Variants in VPS13B observed in about 807,000 individuals in gnomAD.
The protein encoded by VPS13B is intermembrane lipid transfer protein VPS13B.
In VPS13B, 285 loss-of-function variants were observed where a neutral mutation model predicts 426.4. The ratio of observed to expected loss-of-function variants is 0.67; its 90% CI spans 0.61 to 0.74. The LOEUF (loss-of-function observed/expected upper bound fraction) is 0.74. Ranked by LOEUF, VPS13B falls within the 30% of genes least tolerant of loss-of-function variation. The probability of loss-of-function intolerance (pLI) is 0.00; values close to 1 mark genes in which losing one functional copy is unlikely to be tolerated. For synonymous variants in VPS13B, 1,676 were observed against 1,676.4 expected (o/e 1.00, Z 0.01); for missense variants, 4,537 against 4,782.6 (o/e 0.95, Z 1.51).
At chr8:99,759,315 CTG>C (rs1170188831) in intron 39 of VPS13B, among the ~76,000 whole-genome samples, 1 of 152,164 alleles carries the variant, frequency 6.6e-6, no homozygotes. Context: ...TCATAGCTCT[CTG>C]TCCTGCTTAT....
chr8:99,849,289 C>T (rs748532340), intron 55 of VPS13B, among the ~76,000 whole-genome samples: 1 of 152,194 alleles, frequency 6.6e-6, no homozygotes. Flanking sequence ...TTCCACCCCC[C>T]ACTTTGACCT....
chr8:99,400,959 A>G (rs868292859), intron 21 of VPS13B, among the ~76,000 whole-genome samples: 8 of 152,340 alleles, frequency 5.3e-5, no homozygotes, highest in Middle Eastern at 6.8e-3. Flanking sequence ...GGCGTTAGCC[A>G]TTGTACCCAG....
chr8:99,449,332 G>C (rs1460495797), intron 23 of VPS13B, among the ~76,000 whole-genome samples: 1 of 152,132 alleles, frequency 6.6e-6, no homozygotes, highest in Non-Finnish European at 1.5e-5. Flanking sequence ...CCAGTTTTTG[G>C]TGTGCATGGT....
At chr8:99,140,310 A>G (rs1489695934) in intron 12 of VPS13B, among the ~76,000 whole-genome samples, 1 of 147,066 alleles carries the variant, frequency 6.8e-6, no homozygotes, top group African/African-American at 2.5e-5. Context: ...GGTTGCAGTG[A>G]GCTGAGATCA....
intron 3 of VPS13B, among the ~76,000 whole-genome samples, chr8:99,081,056 C>T (rs1178587775): frequency 6.6e-6 from 1 of 152,168 alleles, no homozygotes; most frequent in African/African-American, 2.4e-5. Flanking sequence ...TTCTGACACC[C>T]TTTATACATA....
At chr8:99,471,006 A>G (rs1208906450) in intron 24 of VPS13B, among the ~76,000 whole-genome samples, 1 of 152,130 alleles carries the variant, frequency 6.6e-6, no homozygotes, top group African/African-American at 2.4e-5. Context: ...ACATTGGAAC[A>G]ATATTTTGGA....
chr8:99,582,756 C>G (rs188410475), intron 33 of VPS13B, among the ~76,000 whole-genome samples: 5 of 152,012 alleles, frequency 3.3e-5, no homozygotes, highest in Non-Finnish European at 7.4e-5. Context: ...CCTGTGTTCA[C>G]GCCATTCTCC....
intron 30 of VPS13B, chr8:99,536,970 C>T (rs952777468): frequency 2.5e-5 from 9 of 361,204 alleles, no homozygotes; most frequent in Admixed American, 3.9e-5. Context: ...ATGAGATATA[C>T]AGAAAAGTAA....
In VPS13B at chr8:99,732,779, C is replaced by CA. The variant is rs530273082; in HGVS notation, c.7050+11738dup. 5.0e-4 allele frequency among the ~76,000 whole-genome samples: 76 copies of CA among 152,238 alleles called. 1 individual carries two copies. The highest frequency in any genetic ancestry group is 4.1e-3 in the South Asian group (20 of 4,826). ...TAAGAAGCAAATGGGATTTTCGAAA[C>CA]AAAAAATAATAATAAATAGTTTGAA... On this transcript the variant is annotated intron_variant, in intron 39 of 61. Coordinates refer to ENST00000357162, the MANE Select transcript of VPS13B (RefSeq NM_152564.5).
chr8:99,726,898 C>T (rs1833373632), intron 39 of VPS13B, among the ~76,000 whole-genome samples: 1 of 152,194 alleles, frequency 6.6e-6, no homozygotes, highest in Non-Finnish European at 1.5e-5. Flanking sequence ...ATTATAGCAG[C>T]ATAAACTTTC....
At chr8:99,198,746 G>A (rs376118800) in intron 17 of VPS13B, among the ~76,000 whole-genome samples, 77 of 152,058 alleles carry the variant, frequency 5.1e-4, no homozygotes, top group African/African-American at 1.9e-3. Context: ...TTTATCAAAT[G>A]GAATGCCTAT....
intron 17 of VPS13B, among the ~76,000 whole-genome samples, chr8:99,198,850 C>T (rs1734815793): frequency 1.3e-5 from 2 of 151,820 alleles, no homozygotes; most frequent in Middle Eastern, 3.4e-3. Context: ...TTTTTCCCCC[C>T]GAGAACAAAA....
At chr8:99,051,170 C>T (rs1339044848) in intron 3 of VPS13B, among the ~76,000 whole-genome samples, 1 of 152,168 alleles carries the variant, frequency 6.6e-6, no homozygotes, top group Non-Finnish European at 1.5e-5. Context: ...TTAGGTCTAA[C>T]ATTTAAGTCT....
chr8:99,491,329 A>G (rs947686592), intron 25 of VPS13B, among the ~76,000 whole-genome samples: 1 of 152,068 alleles, frequency 6.6e-6, no homozygotes, highest in East Asian at 1.9e-4. Context: ...GAATCTGACA[A>G]TTACGTGTCT....
intron 35 of VPS13B, among the ~76,000 whole-genome samples, chr8:99,664,928 C>T (rs1175946064): frequency 1.3e-5 from 2 of 152,174 alleles, no homozygotes; most frequent in Admixed American, 6.5e-5. Flanking sequence ...GTTTACAGTC[C>T]TGCCAACAGT....
intron 21 of VPS13B, among the ~76,000 whole-genome samples, chr8:99,405,385 A>G (rs907663973): frequency 1.6e-4 from 25 of 152,098 alleles, no homozygotes; most frequent in Non-Finnish European, 2.9e-4. Context: ...TTTCCTGTCC[A>G]TTCCACTTCC....
intron 21 of VPS13B, among the ~76,000 whole-genome samples, chr8:99,414,744 C>T (rs1815897006): frequency 6.6e-6 from 1 of 152,056 alleles, no homozygotes; most frequent in South Asian, 2.1e-4. Context: ...CGAATATTGG[C>T]CCCCATTCTC....
intron 19 of VPS13B, among the ~76,000 whole-genome samples, chr8:99,286,056 A>G (rs1394134165): frequency 4.6e-5 from 7 of 151,434 alleles, no homozygotes; most frequent in African/African-American, 1.7e-4. Flanking sequence ...CCAATTAATT[A>G]CTCCCTTCTA....
chr8:99,269,194 G>A lies in VPS13B; in HGVS notation c.2516-5004G>A, dbSNP rs553147466. Among the ~76,000 whole-genome samples the A allele has an allele frequency of 4.6e-5, 7 of 152,134 alleles. 1 individual carries two copies. The South Asian group carries it at 1.5e-3, about 32-fold the overall frequency. On this transcript the variant is annotated intron_variant, in intron 17 of 61. Coordinates refer to ENST00000357162, the MANE Select transcript of VPS13B (RefSeq NM_152564.5). ...ATGAGGATGGACTAATACAGAGGAG[G>A]AAAATAACAGTGCATTATTCTATAT...
Sources: gnomAD v4.1 joint callset for allele counts (sites outside exome capture counted in the v4.1 genomes callset) on GRCh38, gnomAD v4.1.1 for gene constraint, MANE v1.5 for transcripts, NCBI Gene and HGNC (gene_info 2026-07-23, HGNC 2026-07-21) for gene names.